Variants in CCDC73 observed in about 807,000 individuals in gnomAD.
CCDC73 encodes the protein coiled-coil domain containing 73.
A neutral mutation model predicts 116.5 loss-of-function variants in CCDC73; 95 were observed. The ratio of observed to expected loss-of-function variants is 0.82; its 90% confidence interval spans 0.69 to 0.97. The LOEUF (loss-of-function observed/expected upper bound fraction) is 0.97, where lower values mean the gene tolerates loss of function less well. Among genes scored for constraint, CCDC73 ranks in the 50% least tolerant of loss-of-function variants. CCDC73 has a pLI of 0.00. For missense variants in CCDC73, 1,066 were observed against 1,206.8 expected (o/e 0.88, Z 1.73); for synonymous variants, 398 against 401.3 (o/e 0.99, Z 0.10).
chr11:32,718,543 A>T (rs947012120), intron 2 of CCDC73, among the ~76,000 whole-genome samples: 1 of 152,204 alleles, frequency 6.6e-6, no homozygotes, highest in African/African-American at 2.4e-5. Context: ...GAAACCCACC[A>T]GGTGCTTACA....
Position 32,668,328 on chromosome 11 carries a change from G to A in CCDC73, c.645+7237C>T, listed in dbSNP as rs1373224195. On this transcript the variant is annotated intron_variant, in intron 9 of 17. Transcript: ENST00000335185. ...CGGTAACAATAAAGGCTTTCCTATA[G>A]ACCATAAGCTCCTCAAGAAAATGCA... 2.0e-5 allele frequency among the ~76,000 whole-genome samples: 3 copies of A among 151,922 alleles called. 1 individual carries two copies. The highest frequency in any genetic ancestry group is 4.4e-5 in the Non-Finnish European group (3 of 67,994).
At chr11:32,652,535 T>A (rs1855835465) in intron 12 of CCDC73, among the ~76,000 whole-genome samples, 1 of 152,162 alleles carries the variant, frequency 6.6e-6, no homozygotes, top group Non-Finnish European at 1.5e-5. Flanking sequence ...TTCACTCAGC[T>A]TTATAAGGGG....
rs760831794 is a variant in CCDC73 at position 32,614,478 on chromosome 11, C to G, written c.1840G>C (p.Ala614Pro). The change falls in exon 16 of 18, where the codon GCT (alanine) becomes CCT (proline). Residue 614 changes from alanine to proline, a missense_variant. Ala to Pro is a conservative substitution (Grantham distance 27, BLOSUM62 -1). Coordinates refer to ENST00000335185, the MANE Select transcript of CCDC73 (RefSeq NM_001008391.4). The part of the protein sequence containing the change: ...FRLLPGTREH[A>P]LEKEITNSDQ... ...CTATTTGTAATTTCCTTCTCTAGAG[C>G]ATGTTCTCGAGTCCCTGGAAGCAAT... 2 of 1,613,394 alleles carry G rather than the reference C, an allele frequency of 1.2e-6. No individual in the cohort carries two copies. The highest frequency in any genetic ancestry group is 2.2e-5 in the East Asian group (1 of 44,818).
chr11:32,765,506 A>T (rs966242512), intron 1 of CCDC73, among the ~76,000 whole-genome samples: 1 of 152,218 alleles, frequency 6.6e-6, no homozygotes, highest in Non-Finnish European at 1.5e-5. Flanking sequence ...CCTGCTCCTG[A>T]ATGACTACTG....
At chr11:32,729,606 T>C (rs1850058185) in intron 2 of CCDC73, among the ~76,000 whole-genome samples, 1 of 152,198 alleles carries the variant, frequency 6.6e-6, no homozygotes, top group Non-Finnish European at 1.5e-5. Context: ...CACCACACCA[T>C]CTTCCACGAC....
the CCDC73 span, among the ~76,000 whole-genome samples, chr11:32,822,091 G>T: frequency 6.6e-6 from 1 of 152,076 alleles, no homozygotes; most frequent in African/African-American, 2.4e-5. Context: ...TAAATGGTTT[G>T]GGAATAACAC....
rs145423172 is a variant in CCDC73 at position 32,688,344 on chromosome 11, G to A, written c.391-4770C>T. Among the ~76,000 whole-genome samples the A allele has an allele frequency of 7.6e-3, 1,154 of 152,254 alleles. 12 individuals are homozygous for A. The highest frequency in any genetic ancestry group is 0.026 in the African/African-American group (1,070 of 41,544). On this transcript the variant is annotated intron_variant, in intron 6 of 17. Transcript: ENST00000335185. ...ATTGTACAAACAGAAACTGAGGAAC[G>A]TTCTACAAAATAATGGTCTGTAATC...
chr11:32,830,010 T>C, the CCDC73 span: 560 of 985,706 alleles, frequency 5.7e-4, 5 homozygotes, highest in East Asian at 0.016. Flanking sequence ...CCCAGGCCCT[T>C]CCCAGGTTTG....
At position 32,615,920 on chromosome 11, in the gene CCDC73, C is replaced by A; in HGVS notation, c.1375+20G>T. ...TATCAACATACAAATTAGAAAATAT[C>A]AATATAATTTTAAGGTTACCATCTA... On this transcript the variant is annotated intron_variant, in intron 15 of 17. Coordinates refer to ENST00000335185, the MANE Select transcript of CCDC73 (RefSeq NM_001008391.4). The A allele has an allele frequency of 3.3e-6, 5 of 1,497,936 alleles. No individual in the cohort carries two copies. The highest frequency in any genetic ancestry group is 4.5e-6 in the Non-Finnish European group (5 of 1,103,634). The allele number at this position is 1,497,936 out of a possible 1,614,324, so 92.8% of individuals were successfully genotyped here.
intron 1 of CCDC73, among the ~76,000 whole-genome samples, chr11:32,763,425 T>G (rs550324874): frequency 1.3e-5 from 2 of 152,282 alleles, no homozygotes; most frequent in Non-Finnish European, 2.9e-5. Flanking sequence ...GGCAGCAACA[T>G]TTGCTGTTCA....
chr11:32,710,416 A>T (rs2133324578), intron 3 of CCDC73, among the ~76,000 whole-genome samples: 1 of 152,258 alleles, frequency 6.6e-6, no homozygotes, highest in South Asian at 2.1e-4. Context: ...GAATTTTTAA[A>T]TTTCCATCTT....
At chr11:32,643,662 G>A (rs1427422095) in intron 12 of CCDC73, among the ~76,000 whole-genome samples, 1 of 152,022 alleles carries the variant, frequency 6.6e-6, no homozygotes, top group Admixed American at 6.6e-5. Context: ...AAAAATAAAA[G>A]ATTAAAAATG....
chr11:32,714,381 CA>C (rs1000562262), intron 3 of CCDC73, among the ~76,000 whole-genome samples: 1 of 152,064 alleles, frequency 6.6e-6, no homozygotes, highest in Admixed American at 6.6e-5. Flanking sequence ...ACAAATGTGG[CA>C]AAACACTCCA....
chr11:32,695,368 C>CAAAA (rs34683408), intron 6 of CCDC73, among the ~76,000 whole-genome samples: 6 of 122,712 alleles, frequency 4.9e-5, no homozygotes, highest in Non-Finnish European at 6.9e-5. Flanking sequence ...GACTCCATCT[C>CAAAA]AAAAAAAAAA....
At chr11:32,755,615 GTGTA>G (rs1167759233) in intron 2 of CCDC73, among the ~76,000 whole-genome samples, 1 of 114,838 alleles carries the variant, frequency 8.7e-6, no homozygotes, top group African/African-American at 3.3e-5. Flanking sequence ...ATATATGTGT[GTGTA>G]TATATATATC....
Position 32,654,940 on chromosome 11 carries a change from C to A in CCDC73, c.678G>T (p.Lys226Asn). ...TCTTATATTGACATGTGACTTTGGA[C>A]TTTATCAAGTCTGAGGCTGCTTTTT... is the stretch of plus-strand genomic sequence containing the variant. Reference protein sequence around the residue: ...ELKKAASDLIKSKVTCQYKMG... With the variant: ...ELKKAASDLINSKVTCQYKMG... The change falls in exon 10 of 18, where the codon AAG becomes AAT. Residue 226 changes from lysine to asparagine, a missense_variant. Coordinates refer to ENST00000335185, the MANE Select transcript of CCDC73 (RefSeq NM_001008391.4). The A allele has an allele frequency of 1.9e-6, 3 of 1,602,316 alleles. No individual in the cohort carries two copies. Among genetic ancestry groups the A allele is most frequent in the Non-Finnish European group, 2.5e-6 (3 of 1,176,764 alleles).
chr11:32,760,353 A>G, intron 1 of CCDC73, 95 bp from the exon 2 acceptor site: 1 of 696,486 alleles, frequency 1.4e-6, no homozygotes, highest in South Asian at 2.1e-5. Context: ...TGTATCCCAT[A>G]ATCCTCCAAT....
intron 1 of CCDC73, among the ~76,000 whole-genome samples, chr11:32,762,468 A>G (rs900207958): frequency 2.0e-5 from 3 of 152,204 alleles, no homozygotes; most frequent in African/African-American, 7.2e-5. Context: ...AGGGCTTACC[A>G]AAGTCTAATA....
intron 13 of CCDC73, among the ~76,000 whole-genome samples, chr11:32,638,712 C>T (rs1240572545): frequency 2.6e-5 from 4 of 151,878 alleles, no homozygotes; most frequent in East Asian, 1.9e-4. Flanking sequence ...CTCCTGACCT[C>T]GTGATCCGCC....
Sources: gnomAD v4.1 joint callset for allele counts (sites outside exome capture counted in the v4.1 genomes callset) on GRCh38, gnomAD v4.1.1 for gene constraint, MANE v1.5 for transcripts, NCBI Gene and HGNC (gene_info 2026-07-23, HGNC 2026-07-21) for gene names.